SP140L: variants seen among roughly 807,000 people sequenced by gnomAD.
SP140L encodes the protein SP140 like nuclear body protein, also known as nuclear body protein SP140-like protein.
In SP140L, 64 loss-of-function variants were observed where a neutral mutation model predicts 84.3. The observed-to-expected ratio is 0.76, with a 90% confidence interval of 0.62 to 0.94. The LOEUF (loss-of-function observed/expected upper bound fraction) is 0.94, where lower values mean the gene tolerates loss of function less well. Ranked by LOEUF, SP140L falls within the 40% of genes least tolerant of loss-of-function variation. The pLI is 0.00. For synonymous variants in SP140L, 242 were observed against 236.9 expected (o/e 1.02, Z -0.20); for missense variants, 628 against 692.5 (o/e 0.91, Z 1.05).
chr2:230,355,313 T>C (rs2060509540), intron 2 of SP140L, among the ~76,000 whole-genome samples: 1 of 152,140 alleles, frequency 6.6e-6, no homozygotes, highest in South Asian at 2.1e-4. Flanking sequence ...ACAATGGCAA[T>C]AAGGAATTTG....
At chr2:230,371,849 A>G in intron 7 of SP140L, 198 bp downstream of exon 7, 1 of 575,732 alleles carries the variant, frequency 1.7e-6, no homozygotes, top group South Asian at 1.8e-5. Flanking sequence ...ACGGGACTTT[A>G]CAGATACAAT....
chr2:230,334,983 C>T (rs1023270665), intron 2 of SP140L, among the ~76,000 whole-genome samples: 6 of 151,926 alleles, frequency 3.9e-5, no homozygotes, highest in East Asian at 1.9e-4. Flanking sequence ...AAAGTTGTAT[C>T]GAAATTTCTC....
At chr2:230,365,300 G>A (rs2060831844) in intron 5 of SP140L, among the ~76,000 whole-genome samples, 1 of 151,866 alleles carries the variant, frequency 6.6e-6, no homozygotes, top group Admixed American at 6.6e-5. Flanking sequence ...TTTGATGGGT[G>A]GTATTCAATT....
chr2:230,343,900 A>C (rs73110331), intron 2 of SP140L, among the ~76,000 whole-genome samples: 18,286 of 152,034 alleles, frequency 0.12, 1,148 homozygotes, highest in Middle Eastern at 0.15. Context: ...TGTTATGATT[A>C]CTGTTTTTTT....
rs896960761 is a variant in SP140L at position 230,343,639 on chromosome 2, G to T, written c.108-14166G>T. ...GGGTCAAATGGTATTTCTGCCTCTA[G>T]GTCTCTGAGGAATTGCCACACTGTC... is the stretch of plus-strand genomic sequence containing the variant. On this transcript the variant is annotated intron_variant, in intron 2 of 18. Transcript: ENST00000415673. Among the ~76,000 whole-genome samples the T allele has an allele frequency of 8.5e-5, 10 of 117,800 alleles. 2 individuals are homozygous for T. The highest frequency in any genetic ancestry group is 1.7e-4 in the Non-Finnish European group (9 of 53,402). The allele number at this position is 117,800 out of a possible 152,430, so 77.3% of individuals were successfully genotyped here.
intron 2 of SP140L, among the ~76,000 whole-genome samples, chr2:230,341,823 C>A (rs1433381448): frequency 6.6e-6 from 1 of 152,048 alleles, no homozygotes; most frequent in East Asian, 1.9e-4. Context: ...GGGTCAGGGA[C>A]CCACTTGAGG....
chr2:230,381,204 C>A (rs550008774), intron 7 of SP140L, among the ~76,000 whole-genome samples: 3 of 152,254 alleles, frequency 2.0e-5, no homozygotes, highest in African/African-American at 7.2e-5. Flanking sequence ...ATCTTTTTAG[C>A]TGGAACGTAA....
intron 4 of SP140L, among the ~76,000 whole-genome samples, chr2:230,360,214 G>A (rs1480069771): frequency 6.6e-6 from 1 of 152,156 alleles, no homozygotes; most frequent in Non-Finnish European, 1.5e-5. Flanking sequence ...GTAAAAGCAT[G>A]TCTGCAAAAC....
chr2:230,373,328 AGAG>A (rs1328775375), intron 7 of SP140L, among the ~76,000 whole-genome samples: 11 of 152,248 alleles, frequency 7.2e-5, no homozygotes, highest in African/African-American at 2.4e-4. Context: ...TCATAGGTAG[AGAG>A]GAGAAGTCAA....
chr2:230,391,126 C>T (rs988674142), intron 11 of SP140L, among the ~76,000 whole-genome samples: 1 of 152,184 alleles, frequency 6.6e-6, no homozygotes, highest in African/African-American at 2.4e-5. Flanking sequence ...TTTATCCATT[C>T]ATCAACTTGG....
intron 9 of SP140L, 30 bp from the exon 10 acceptor site, chr2:230,388,529 A>T: frequency 6.3e-7 from 1 of 1,575,172 alleles, no homozygotes; most frequent in Non-Finnish European, 8.6e-7. Flanking sequence ...GCTCATTTGT[A>T]ACTGTGATTT....
chr2:230,329,284 C>A (rs2059662684), intron 2 of SP140L, among the ~76,000 whole-genome samples: 1 of 152,130 alleles, frequency 6.6e-6, no homozygotes, highest in Admixed American at 6.6e-5. Context: ...CTGACATTTT[C>A]TTTTTCAATT....
chr2:230,401,938 G>A, intron 18 of SP140L, 131 bp downstream of exon 18: 1 of 852,870 alleles, frequency 1.2e-6, no homozygotes, highest in Admixed American at 2.7e-5. Flanking sequence ...GTGATTGATT[G>A]GTTTCAGTTC....
At chr2:230,333,169 T>G (rs1050452709) in intron 2 of SP140L, among the ~76,000 whole-genome samples, 3 of 152,028 alleles carry the variant, frequency 2.0e-5, no homozygotes, top group Non-Finnish European at 4.4e-5. Context: ...TTCTGATTTT[T>G]TTTTTTTTTT....
chr2:230,345,583 T>C (rs1199893114), intron 2 of SP140L, among the ~76,000 whole-genome samples: 2 of 106,494 alleles, frequency 1.9e-5, no homozygotes, highest in East Asian at 5.0e-4. Context: ...TTTGTAGTTC[T>C]TTTTTTTTTT....
chr2:230,361,452 A>T (rs2060714115), intron 4 of SP140L, among the ~76,000 whole-genome samples, 162 bp from the exon 5 acceptor site: 1 of 152,146 alleles, frequency 6.6e-6, no homozygotes, highest in Non-Finnish European at 1.5e-5. Context: ...ATAAAAGCTC[A>T]TTGTTGAGGT....
At chr2:230,390,985 C>G (rs10181582) in intron 11 of SP140L, among the ~76,000 whole-genome samples, 33,877 of 152,132 alleles carry the variant, frequency 0.22, 4,211 homozygotes, top group Non-Finnish European at 0.29. Context: ...GGAATCCTAT[C>G]ATACATCCCC....
chr2:230,359,068 G>A lies in SP140L; in HGVS notation c.375G>A (p.Leu125=), dbSNP rs1237695458. 1 of 1,613,674 alleles carries A rather than the reference G, an allele frequency of 6.2e-7. No individual in the cohort carries two copies. The highest frequency in any genetic ancestry group is 8.5e-7 in the Non-Finnish European group (1 of 1,179,896). Residue 125 remains leucine, a synonymous_variant, in exon 4 of 19, where the codon CTG becomes CTA. Coordinates refer to ENST00000415673, the MANE Select transcript of SP140L (RefSeq NM_138402.6). ...KTFNLSVLEA[L]FSEVNMQEYP... is the part of the protein sequence containing the mutation. ...TTAACCTGTCAGTTTTGGAAGCACT[G>A]TTCAGCGAGGTCAACATGCAGGAAT...
At chr2:230,389,174 GC>G (rs1368584177) in intron 10 of SP140L, among the ~76,000 whole-genome samples, 5 of 152,282 alleles carry the variant, frequency 3.3e-5, no homozygotes, top group South Asian at 4.1e-4. Context: ...TAAATAGTGT[GC>G]CCTTTTCAAA....
Sources: allele counts gnomAD v4.1 joint callset (sites outside exome capture counted in the v4.1 genomes callset), GRCh38; gene constraint gnomAD v4.1.1; transcripts MANE v1.5; gene names NCBI Gene and HGNC (gene_info 2026-07-23, HGNC 2026-07-21).